The following PTDSS1 variants were observed in gnomAD, a reference collection of about 807,000 sequenced individuals.
PTDSS1 encodes PSS-1.
PTDSS1 carries 45 observed loss-of-function variants against 70.5 expected under a neutral mutation model. That is an observed-to-expected ratio of 0.64 (90% CI 0.50 to 0.82). The LOEUF (loss-of-function observed/expected upper bound fraction) is 0.82, where lower values mean the gene tolerates loss of function less well. PTDSS1 is among the 40% of genes least tolerant of loss of function. The pLI is 0.00. For synonymous variants in PTDSS1, 188 were observed against 203.8 expected (o/e 0.92, Z 0.66); for missense variants, 417 against 586.1 (o/e 0.71, Z 2.98).
At chr8:96,320,427 T>C in intron 10 of PTDSS1, 82 bp downstream of exon 10, 1 of 1,228,218 alleles carries the variant, frequency 8.1e-7, no homozygotes, top group Non-Finnish European at 1.2e-6. Flanking sequence ...AGAAACCCTC[T>C]TGTGTATCAA....
chr8:96,294,247 A>T (rs2130076411), intron 4 of PTDSS1, among the ~76,000 whole-genome samples: 1 of 152,300 alleles, frequency 6.6e-6, no homozygotes, highest in South Asian at 2.1e-4. Flanking sequence ...TGGAATTTAA[A>T]ACTATTATAG....
chr8:96,271,924 A>G (rs995150588), intron 1 of PTDSS1, among the ~76,000 whole-genome samples: 9 of 152,114 alleles, frequency 5.9e-5, no homozygotes, highest in Admixed American at 5.9e-4. Flanking sequence ...GAGGTTGACC[A>G]TCTTTTCACT....
At chr8:96,330,461 T>C in intron 11 of PTDSS1, 180 bp downstream of exon 11, 1 of 619,348 alleles carries the variant, frequency 1.6e-6, no homozygotes, top group Non-Finnish European at 2.8e-6. Flanking sequence ...CTGGCCCTGC[T>C]TGTGACGGCT....
At chr8:96,298,016 A>G (rs1278229455) in intron 5 of PTDSS1, among the ~76,000 whole-genome samples, 3 of 152,210 alleles carry the variant, frequency 2.0e-5, no homozygotes, top group African/African-American at 7.2e-5. Flanking sequence ...CTTAGGCTGG[A>G]GGATGTCCTC....
chr8:96,316,368 C>A (rs978649673), intron 9 of PTDSS1, among the ~76,000 whole-genome samples: 1 of 152,180 alleles, frequency 6.6e-6, no homozygotes, highest in Non-Finnish European at 1.5e-5. Context: ...TACATAGACA[C>A]CATGGAATAA....
rs190865325 is a variant in PTDSS1, at chr8:96,310,233, C to T, written c.1073+611C>T. On this transcript the variant is annotated intron_variant, in intron 9 of 12. Coordinates refer to ENST00000517309, the MANE Select transcript of PTDSS1 (RefSeq NM_014754.3). ...AGGCTGGAGGGCAGTGGCATGATCTCGGCTCACTGCAACCTCTGCCTTCTG... is the reference window on the plus strand; with the variant it reads ...AGGCTGGAGGGCAGTGGCATGATCTTGGCTCACTGCAACCTCTGCCTTCTG... Among the ~76,000 whole-genome samples, 185 of 148,602 alleles carry T rather than the reference C, an allele frequency of 1.2e-3. 1 individual carries two copies. Among genetic ancestry groups the T allele is most frequent in the African/African-American group, 4.1e-3 (165 of 40,268 alleles).
At chr8:96,332,194 G>A (rs1811527473) in intron 12 of PTDSS1, among the ~76,000 whole-genome samples, 2 of 152,202 alleles carry the variant, frequency 1.3e-5, no homozygotes, top group East Asian at 3.9e-4. Context: ...GGAATATTTG[G>A]GGCCACCTGG....
chr8:96,279,008 C>T (rs1056984925), intron 2 of PTDSS1, among the ~76,000 whole-genome samples: 2 of 137,890 alleles, frequency 1.5e-5, no homozygotes, highest in Non-Finnish European at 3.0e-5. Flanking sequence ...GAGTCTCACT[C>T]TGCCCAGGCT....
intron 5 of PTDSS1, among the ~76,000 whole-genome samples, chr8:96,298,949 A>T (rs1811012973): frequency 6.6e-6 from 1 of 151,772 alleles, no homozygotes; most frequent in Non-Finnish European, 1.5e-5. Flanking sequence ...CTGAGGCAGG[A>T]GAATTGCTTG....
At position 96,295,248 on chromosome 8, in the gene PTDSS1, C is replaced by T; in HGVS notation, c.592C>T (p.Leu198=). The change falls in exon 5 of 13, where the codon CTG becomes TTG. Residue 198 remains leucine, a synonymous_variant. Coordinates refer to ENST00000517309, the MANE Select transcript of PTDSS1 (RefSeq NM_014754.3). ...CTGGACAATCAGTATTACCTGGGAG[C>T]TGACTGAGGTAAGAAGGAGGGCATT... ...LCWTISITWE[L]TELFFMHLLP... 1.2e-6 allele frequency: 2 copies of T among 1,613,154 alleles called. No homozygotes were observed. The highest frequency in any genetic ancestry group is 3.3e-4 in the Middle Eastern group (2 of 6,052).
chr8:96,306,575 G>C lies in PTDSS1; in HGVS notation c.1007+19G>C, dbSNP rs771459168. ...CAGTGAGGTAATTCTGCACAAGCCT[G>C]ACTGTCATATGAGAACATTAACTTG... On this transcript the variant is annotated intron_variant, in intron 8 of 12. Coordinates refer to ENST00000517309, the MANE Select transcript of PTDSS1 (RefSeq NM_014754.3). 6.5e-7 allele frequency: 1 copy of C among 1,549,468 alleles called. No homozygotes were observed. Among genetic ancestry groups the C allele is most frequent in the Non-Finnish European group, 8.9e-7 (1 of 1,121,398 alleles).
At chr8:96,267,032 C>T (rs1810496888) in intron 1 of PTDSS1, among the ~76,000 whole-genome samples, 1 of 152,140 alleles carries the variant, frequency 6.6e-6, no homozygotes, top group African/African-American at 2.4e-5. Context: ...TTTCAGACTC[C>T]TCTTTAGTAA....
At position 96,265,485 on chromosome 8, in the gene PTDSS1, C is replaced by A. The variant is rs140730758; in HGVS notation, c.179+3266C>A. On this transcript the variant is annotated intron_variant, in intron 1 of 12. Coordinates refer to ENST00000517309, the MANE Select transcript of PTDSS1 (RefSeq NM_014754.3). ...ATTTAAATATCTCCTGTCTTTATCA[C>A]CATCATTAAAAATAAAGTTAGATAC... Among the ~76,000 whole-genome samples the A allele has an allele frequency of 5.9e-3, 898 of 152,258 alleles. 10 individuals are homozygous for A. The highest frequency in any genetic ancestry group is 0.048 in the Middle Eastern group (14 of 294).
chr8:96,311,153 C>T (rs992456901), intron 9 of PTDSS1, among the ~76,000 whole-genome samples: 4 of 152,198 alleles, frequency 2.6e-5, no homozygotes, highest in Non-Finnish European at 4.4e-5. Flanking sequence ...AAATGTGAGA[C>T]CCTCTTGAAT....
In PTDSS1 at chr8:96,262,360, C is replaced by T; in HGVS notation, c.179+141C>T. The T allele has an allele frequency of 8.6e-7, 1 of 1,158,470 alleles. No homozygotes were observed. The highest frequency in any genetic ancestry group is 1.6e-5 in the South Asian group (1 of 62,116). 71.8% of individuals were successfully genotyped at this position (1,158,470 alleles called of 1,614,324 possible). The stretch of plus-strand genomic sequence containing the variant: ...CCACGCACACGCACTGGCAGCCCGC[C>T]GCCCACGCGGCCCCTCCGCCCGCCC... On this transcript the variant is annotated intron_variant, in intron 1 of 12. Transcript: ENST00000517309. The surrounding 1 kb of genome is among the most constrained non-coding windows in gnomAD (Gnocchi z 4.4).
intron 12 of PTDSS1, among the ~76,000 whole-genome samples, chr8:96,331,364 A>G (rs1174812081): frequency 6.6e-6 from 1 of 152,052 alleles, no homozygotes; most frequent in Non-Finnish European, 1.5e-5. Flanking sequence ...CCCCGTCTCT[A>G]CAAAAAATAC....
intron 8 of PTDSS1, among the ~76,000 whole-genome samples, chr8:96,307,060 G>A (rs748562777): frequency 3.9e-5 from 6 of 152,030 alleles, no homozygotes; most frequent in African/African-American, 9.7e-5. Flanking sequence ...GGGTGTTCCC[G>A]CCATTATTCC....
intron 5 of PTDSS1, among the ~76,000 whole-genome samples, chr8:96,296,677 T>C (rs1012896775): frequency 4.6e-5 from 7 of 152,216 alleles, no homozygotes; most frequent in Non-Finnish European, 1.0e-4. Flanking sequence ...ATATGCCTTC[T>C]AAGTCCTCAC....
At chr8:96,266,307 T>C (rs1290302546) in intron 1 of PTDSS1, among the ~76,000 whole-genome samples, 2 of 152,262 alleles carry the variant, frequency 1.3e-5, no homozygotes, top group Non-Finnish European at 2.9e-5. Flanking sequence ...ATCATCAATT[T>C]GTCTATGCTT....
Sources: gnomAD v4.1 joint callset for allele counts (sites outside exome capture counted in the v4.1 genomes callset) on GRCh38, gnomAD v4.1.1 for gene constraint, Gnocchi (gnomAD v3.1) non-coding constraint, MANE v1.5 for transcripts, NCBI Gene and HGNC (gene_info 2026-07-23, HGNC 2026-07-21) for gene names.